BRINP3: variants seen among roughly 807,000 people sequenced by gnomAD.
BRINP3 encodes the protein BMP/retinoic acid inducible neural specific 3.
BRINP3 carries 19 observed loss-of-function variants against 71.0 expected under a neutral mutation model. That is an observed-to-expected ratio of 0.27 (90% CI 0.19 to 0.39). The LOEUF is 0.39. BRINP3 is among the 10% of genes least tolerant of loss of function. The pLI, the probability that BRINP3 is intolerant of heterozygous loss-of-function variation, is 1.00. For synonymous variants in BRINP3, 380 were observed against 337.7 expected (o/e 1.13, Z -1.37); for missense variants, 959 against 940.8 (o/e 1.02, Z -0.25).
intron 2 of BRINP3, among the ~76,000 whole-genome samples, chr1:190,443,803 C>T (rs1675003282): frequency 6.6e-6 from 1 of 152,188 alleles, no homozygotes; most frequent in Non-Finnish European, 1.5e-5. Flanking sequence ...TCAGAACTTA[C>T]CTACCCTGGC....
chr1:190,099,844 T>A (rs778861569), intron 7 of BRINP3, among the ~76,000 whole-genome samples: 6 of 152,222 alleles, frequency 3.9e-5, no homozygotes, highest in Non-Finnish European at 7.4e-5. Context: ...GTTTAATGTG[T>A]TTGATTTGAG....
chr1:190,452,857 A>C (rs1675712182), intron 2 of BRINP3, among the ~76,000 whole-genome samples: 1 of 152,114 alleles, frequency 6.6e-6, no homozygotes, highest in Non-Finnish European at 1.5e-5. Context: ...ACTCCGTCCC[A>C]AAAAAACATA....
intron 3 of BRINP3, among the ~76,000 whole-genome samples, chr1:190,265,528 C>T (rs1348084187): frequency 8.3e-6 from 1 of 120,136 alleles, no homozygotes; most frequent in Admixed American, 1.0e-4. Context: ...GGTGAAACCC[C>T]GTCTCTACTA....
intron 3 of BRINP3, among the ~76,000 whole-genome samples, chr1:190,270,321 T>G (rs1351987518): frequency 6.6e-6 from 1 of 151,306 alleles, no homozygotes; most frequent in Non-Finnish European, 1.5e-5. Flanking sequence ...ACTAGAAACA[T>G]TTTTAAAATT....
intron 1 of BRINP3, among the ~76,000 whole-genome samples, chr1:190,474,181 G>T (rs1677345103): frequency 6.6e-6 from 1 of 152,008 alleles, no homozygotes; most frequent in African/African-American, 2.4e-5. Context: ...TCTGATTTTT[G>T]TAACATGGCT....
intron 4 of BRINP3, among the ~76,000 whole-genome samples, chr1:190,246,875 G>A (rs1408582672): frequency 1.3e-5 from 2 of 151,840 alleles, no homozygotes; most frequent in African/African-American, 4.8e-5. Flanking sequence ...AACCAGATAA[G>A]CAACCTAGGT....
Position 190,329,421 on chromosome 1 carries a change from C to T in BRINP3, c.237-47671G>A, listed in dbSNP as rs113653649. Among the ~76,000 whole-genome samples the T allele has an allele frequency of 1.5e-3, 234 of 151,832 alleles. 1 individual carries two copies. Among genetic ancestry groups the T allele is most frequent in the African/African-American group, 5.2e-3 (214 of 41,468 alleles). The stretch of plus-strand genomic sequence containing the variant: ...TGAGAGCTACATCAATAATACAATA[C>T]CATTTACAATATCTGCACACACACA... On this transcript the variant is annotated intron_variant, in intron 2 of 7. Transcript: ENST00000367462.
At chr1:190,313,558 C>T (rs1665677843) in intron 2 of BRINP3, among the ~76,000 whole-genome samples, 1 of 151,970 alleles carries the variant, frequency 6.6e-6, no homozygotes, top group Admixed American at 6.6e-5. Context: ...GTGTAAGTAT[C>T]TGTTCAGTTT....
At chr1:190,200,484 T>C (rs1037295534) in intron 6 of BRINP3, among the ~76,000 whole-genome samples, 6 of 152,096 alleles carry the variant, frequency 3.9e-5, no homozygotes, top group African/African-American at 1.2e-4. Flanking sequence ...ACTAGGAACA[T>C]AGAATTTCAT....
chr1:190,467,061 T>C (rs1367582594), intron 1 of BRINP3, among the ~76,000 whole-genome samples: 1 of 151,574 alleles, frequency 6.6e-6, no homozygotes, highest in Non-Finnish European at 1.5e-5. Flanking sequence ...TTCTCTTTAA[T>C]AGTTATTCTT....
At chr1:190,223,763 T>C (rs919787318) in intron 6 of BRINP3, among the ~76,000 whole-genome samples, 3 of 151,810 alleles carry the variant, frequency 2.0e-5, no homozygotes, top group African/African-American at 7.2e-5. Flanking sequence ...CACAATTTCA[T>C]ACCTAGAAAA....
intron 2 of BRINP3, among the ~76,000 whole-genome samples, chr1:190,425,310 G>T (rs867354804): frequency 3.1e-4 from 47 of 151,714 alleles, no homozygotes; most frequent in African/African-American, 1.1e-3. Flanking sequence ...ACATTGAAAT[G>T]ATTTAACAAT....
intron 2 of BRINP3, among the ~76,000 whole-genome samples, chr1:190,316,353 C>T (rs914033101): frequency 1.3e-5 from 2 of 151,994 alleles, no homozygotes; most frequent in Admixed American, 1.3e-4. Context: ...CAAGGTTACA[C>T]TAGTTAATGT....
At chr1:190,427,673 G>A (rs756060320) in intron 2 of BRINP3, among the ~76,000 whole-genome samples, 1 of 151,918 alleles carries the variant, frequency 6.6e-6, no homozygotes, top group South Asian at 2.1e-4. Flanking sequence ...AAGAAGGAGT[G>A]CAGCCTTCTG....
chr1:190,445,287 A>G (rs1363009582), intron 2 of BRINP3, among the ~76,000 whole-genome samples: 3 of 152,148 alleles, frequency 2.0e-5, no homozygotes, highest in Non-Finnish European at 2.9e-5. Flanking sequence ...TTAAAATACA[A>G]TTTGAAAATG....
chr1:190,201,798 C>A (rs1018659819), intron 6 of BRINP3, among the ~76,000 whole-genome samples: 5 of 152,190 alleles, frequency 3.3e-5, no homozygotes, highest in Non-Finnish European at 7.3e-5. Flanking sequence ...CCTGTGAATG[C>A]ACGGAAGTCA....
intron 6 of BRINP3, among the ~76,000 whole-genome samples, chr1:190,182,059 T>C (rs1315583166): frequency 6.6e-6 from 1 of 152,056 alleles, no homozygotes; most frequent in Non-Finnish European, 1.5e-5. Flanking sequence ...ATCAAAATTA[T>C]TAAAATTATT....
At chr1:190,130,004 G>T (rs985747136) in intron 7 of BRINP3, among the ~76,000 whole-genome samples, 1 of 151,842 alleles carries the variant, frequency 6.6e-6, no homozygotes, top group African/African-American at 2.4e-5. Flanking sequence ...TAAATAATTT[G>T]CCAGTTGAGA....
At chr1:190,388,268 T>A (rs1671038986) in intron 2 of BRINP3, among the ~76,000 whole-genome samples, 1 of 151,752 alleles carries the variant, frequency 6.6e-6, no homozygotes, top group Non-Finnish European at 1.5e-5. Context: ...GAAAAAGCAA[T>A]CAGTCAATCT....
Sources: allele counts gnomAD v4.1 joint callset (sites outside exome capture counted in the v4.1 genomes callset), GRCh38; gene constraint gnomAD v4.1.1; transcripts MANE v1.5; gene names NCBI Gene and HGNC (gene_info 2026-07-23, HGNC 2026-07-21).